The following ZNF609 variants were observed in gnomAD, a reference collection of about 807,000 sequenced individuals.
The protein encoded by ZNF609 is zinc finger protein 609.
ZNF609 carries 11 observed loss-of-function variants against 109.5 expected under a neutral mutation model. The observed-to-expected ratio is 0.10, with a 90% confidence interval of 0.06 to 0.17. The LOEUF (loss-of-function observed/expected upper bound fraction) is 0.17, where lower values mean the gene tolerates loss of function less well. Ranked by LOEUF, ZNF609 falls within the 10% of genes least tolerant of loss-of-function variation. The pLI, the probability that ZNF609 is intolerant of heterozygous loss-of-function variation, is 1.00. For synonymous variants in ZNF609, 646 were observed against 662.0 expected, an observed-to-expected ratio of 0.98 and a Z score of 0.37; for missense variants, 1,559 against 1,772.4, an observed-to-expected ratio of 0.88 and a Z score of 2.16.
chr15:64,519,338 A>G (rs1286396080), intron 2 of ZNF609, among the ~76,000 whole-genome samples: 1 of 152,206 alleles, frequency 6.6e-6, no homozygotes, highest in Admixed American at 6.5e-5. Context: ...TTGATGCCAT[A>G]GAAGTGAGTG....
intron 2 of ZNF609, among the ~76,000 whole-genome samples, chr15:64,564,279 A>G (rs529027428): frequency 1.3e-5 from 2 of 152,222 alleles, no homozygotes; most frequent in East Asian, 3.9e-4. Context: ...GGGTCTTGGA[A>G]TGTATCCTCC....
chr15:64,646,634 CAA>C (rs1180524819), intron 3 of ZNF609, among the ~76,000 whole-genome samples: 11 of 30,700 alleles, frequency 3.6e-4, no homozygotes, highest in Middle Eastern at 0.023. Context: ...GACTCCATCT[CAA>C]AAAAAAAAAA....
intron 2 of ZNF609, among the ~76,000 whole-genome samples, chr15:64,518,726 A>T (rs185093263): frequency 2.6e-5 from 4 of 152,166 alleles, no homozygotes; most frequent in African/African-American, 9.7e-5. Context: ...TAGAAGTTCA[A>T]TTGATAGCAT....
Position 64,603,979 on chromosome 15 carries a change from CAG to C in ZNF609, c.748-18845_748-18844del, listed in dbSNP as rs1334508402. 1.3e-4 allele frequency among the ~76,000 whole-genome samples: 15 copies of C among 112,022 alleles called. No individual in the cohort carries two copies. The East Asian group carries it at 4.2e-3, about 31-fold the overall frequency. 73.5% of individuals were successfully genotyped at this position (112,022 alleles called of 152,430 possible). ...CACCACTACAGTCCAGCCTGGGAGACAGAGTGAGACTCCGTCTCAAAAAAAAA... is the reference window on the plus strand; with the variant it reads ...CACCACTACAGTCCAGCCTGGGAGACAGTGAGACTCCGTCTCAAAAAAAAA... On this transcript the variant is annotated intron_variant, in intron 2 of 9. Transcript: ENST00000326648.
chr15:64,508,567 C>T (rs1893668115), intron 2 of ZNF609, among the ~76,000 whole-genome samples: 1 of 151,644 alleles, frequency 6.6e-6, no homozygotes, highest in African/African-American at 2.4e-5. Context: ...CTTTCTTTTC[C>T]CTTCATATAA....
chr15:64,472,194 T>C (rs1893101338), intron 1 of ZNF609, among the ~76,000 whole-genome samples: 1 of 152,188 alleles, frequency 6.6e-6, no homozygotes, highest in Admixed American at 6.5e-5. Flanking sequence ...ATTACAGCCG[T>C]GAGCCACCAC....
rs144223259 is a variant in ZNF609 at position 64,535,198 on chromosome 15, G to A, written c.747+35032G>A. Reference sequence around the variant, plus strand: ...CAACCTCCCAAGTAGCTAGGCGCATGCCACCACCCCTGATTAATTTTTAAA... The same window carrying A: ...CAACCTCCCAAGTAGCTAGGCGCATACCACCACCCCTGATTAATTTTTAAA... On this transcript the variant is annotated intron_variant, in intron 2 of 9. Transcript: ENST00000326648. Among the ~76,000 whole-genome samples, 54 of 152,118 alleles carry A rather than the reference G, an allele frequency of 3.5e-4. 1 individual carries two copies. Among genetic ancestry groups the A allele is most frequent in the African/African-American group, 1.1e-3 (47 of 41,490 alleles).
At chr15:64,633,534 C>T (rs1446875301) in intron 3 of ZNF609, among the ~76,000 whole-genome samples, 1 of 152,160 alleles carries the variant, frequency 6.6e-6, no homozygotes, top group Non-Finnish European at 1.5e-5. Context: ...CCTGCCTCGG[C>T]CTCCCAAGAT....
intron 3 of ZNF609, among the ~76,000 whole-genome samples, chr15:64,625,940 G>T (rs1362328404): frequency 0.12 from 1,902 of 15,856 alleles, 53 homozygotes; most frequent in African/African-American, 0.19. Flanking sequence ...TATATATAGA[G>T]AGAGAGAGAG....
intron 1 of ZNF609, among the ~76,000 whole-genome samples, chr15:64,481,695 A>T (rs1040310939): frequency 1.6e-4 from 24 of 152,314 alleles, no homozygotes; most frequent in African/African-American, 5.8e-4. Context: ...CCACAGACTG[A>T]TTAGGAACAA....
chr15:64,665,543 G>A (rs924172562), intron 3 of ZNF609, among the ~76,000 whole-genome samples: 6 of 152,144 alleles, frequency 3.9e-5, no homozygotes, highest in African/African-American at 1.4e-4. Flanking sequence ...CTTGAGACCA[G>A]GAGTTGAAAC....
intron 2 of ZNF609, among the ~76,000 whole-genome samples, chr15:64,575,314 C>T (rs562389248): frequency 7.9e-5 from 12 of 152,108 alleles, no homozygotes; most frequent in Middle Eastern, 3.4e-3. Context: ...TTCCCAGCTA[C>T]TCAGGAGGCT....
chr15:64,616,346 C>G (rs145834151), intron 2 of ZNF609, among the ~76,000 whole-genome samples: 12 of 151,774 alleles, frequency 7.9e-5, no homozygotes, highest in African/African-American at 2.9e-4. Flanking sequence ...AGATTTTTGT[C>G]CATCAGTGCC....
At chr15:64,576,268 TTATTAA>T (rs1158286960) in intron 2 of ZNF609, among the ~76,000 whole-genome samples, 1 of 152,188 alleles carries the variant, frequency 6.6e-6, no homozygotes, top group Non-Finnish European at 1.5e-5. Context: ...GTGGTTGTTG[TTATTAA>T]TAATAATCTT....
At chr15:64,651,767 A>G (rs1263109703) in intron 3 of ZNF609, among the ~76,000 whole-genome samples, 1 of 152,230 alleles carries the variant, frequency 6.6e-6, no homozygotes, top group Non-Finnish European at 1.5e-5. Flanking sequence ...CCACTCTGGC[A>G]GCTACAGCTG....
chr15:64,523,926 TA>T (rs1310457134), intron 2 of ZNF609, among the ~76,000 whole-genome samples: 1 of 151,738 alleles, frequency 6.6e-6, no homozygotes, highest in Non-Finnish European at 1.5e-5. Flanking sequence ...GGTTATTATT[TA>T]AAAAAAAGTA....
At chr15:64,500,651 T>C (rs1243989537) in intron 2 of ZNF609, 1 of 543,216 alleles carries the variant, frequency 1.8e-6, no homozygotes, top group African/African-American at 1.9e-5. Context: ...AGGGCTAAAT[T>C]TCATGGCATA....
intron 2 of ZNF609, among the ~76,000 whole-genome samples, chr15:64,566,040 A>G (rs1410390687): frequency 6.6e-6 from 1 of 152,068 alleles, no homozygotes; most frequent in Non-Finnish European, 1.5e-5. Flanking sequence ...TGTAGAAACA[A>G]GGTCTCACTG....
chr15:64,588,733 G>A (rs940063288), intron 2 of ZNF609, among the ~76,000 whole-genome samples: 2 of 151,682 alleles, frequency 1.3e-5, no homozygotes, highest in African/African-American at 4.8e-5. Flanking sequence ...CTGCCTCCAG[G>A]GTTCAAGCAA....
Sources: allele counts gnomAD v4.1 joint callset (sites outside exome capture counted in the v4.1 genomes callset), GRCh38; gene constraint gnomAD v4.1.1; transcripts MANE v1.5; gene names NCBI Gene and HGNC (gene_info 2026-07-23, HGNC 2026-07-21).